Variants in PIGN observed in about 807,000 individuals in gnomAD.
The protein encoded by PIGN is phosphatidylinositol glycan anchor biosynthesis class N.
A neutral mutation model predicts 125.4 loss-of-function variants in PIGN; 117 were observed. That is an observed-to-expected ratio of 0.93 (90% CI 0.80 to 1.09). PIGN has a LOEUF of 1.09. Among genes scored for constraint, PIGN ranks in the 50% least tolerant of loss-of-function variants. The pLI, the probability that PIGN is intolerant of heterozygous loss-of-function variation, is 0.00. For synonymous variants in PIGN, 392 were observed against 377.8 expected (o/e 1.04, Z -0.44); for missense variants, 1,075 against 1,094.9 (o/e 0.98, Z 0.26).
In PIGN at chr18:62,121,362, C is replaced by T. The variant is rs1457729118; in HGVS notation, c.1173-6723G>A. ...GAGGTAAAAAAATTCCCATTCTAAACCTTATTCAGGCAATAAATCCAAGCA... is the reference window on the plus strand; with the variant it reads ...GAGGTAAAAAAATTCCCATTCTAAATCTTATTCAGGCAATAAATCCAAGCA... On this transcript the variant is annotated intron_variant, in intron 14 of 30. Transcript: ENST00000640252. Among the ~76,000 whole-genome samples the T allele has an allele frequency of 2.0e-5, 3 of 152,104 alleles. No individual in the cohort carries two copies. The South Asian group carries it at 6.2e-4, about 32-fold the overall frequency.
At chr18:62,025,173 C>T (rs2030101339) in intron 23 of PIGN, among the ~76,000 whole-genome samples, 1 of 152,106 alleles carries the variant, frequency 6.6e-6, no homozygotes, top group Middle Eastern at 3.2e-3. Flanking sequence ...TCAAACTTGT[C>T]AATTCTTTTA....
intron 30 of PIGN, among the ~76,000 whole-genome samples, chr18:62,068,068 T>G (rs144805866): frequency 1.6e-4 from 25 of 152,108 alleles, no homozygotes; most frequent in Non-Finnish European, 3.4e-4. Flanking sequence ...TGGAGGCACA[T>G]ATATCATAGC....
chr18:62,090,432 A>C, intron 24 of PIGN, 44 bp downstream of exon 24: 4 of 1,100,702 alleles, frequency 3.6e-6, no homozygotes, highest in Non-Finnish European at 5.5e-6. Flanking sequence ...TAGGATAGAG[A>C]CTAATAGTCT....
intron 1 of PIGN, among the ~76,000 whole-genome samples, chr18:62,184,888 C>G (rs75583702): frequency 6.6e-6 from 1 of 152,234 alleles, no homozygotes; most frequent in Non-Finnish European, 1.5e-5. Flanking sequence ...GTAGCAGGTA[C>G]CAGGCACTGG....
chr18:62,059,171 CAAAAAAAAAAAAAAA>C (rs56405290), intron 30 of PIGN: 1 of 45,882 alleles, frequency 2.2e-5, no homozygotes, highest in East Asian at 8.8e-4. Flanking sequence ...GACCCTGTCT[CAAAAAAAAAAAAAAA>C]AAAAAAAAAA....
In PIGN at chr18:62,084,701, AT is replaced by A; in HGVS notation, c.2427-96del. On this transcript the variant is annotated intron_variant, in intron 26 of 30. Coordinates refer to ENST00000640252, the MANE Select transcript of PIGN (RefSeq NM_176787.5). Reference sequence around the variant, plus strand: ...AAGATGTTTAAACTAATTCTCTGAAATCTACTTACTAAAACACAAGCAAACA... The same window carrying A: ...AAGATGTTTAAACTAATTCTCTGAAACTACTTACTAAAACACAAGCAAACA... 3.6e-6 allele frequency: 3 copies of A among 827,168 alleles called. No individual in the cohort carries two copies. In the South Asian group the frequency reaches 4.6e-5, roughly 13 times the overall value. The allele number at this position is 827,168 out of a possible 1,614,324, so 51.2% of individuals were successfully genotyped here. A position where few individuals can be genotyped will look rare whatever the true frequency, so the allele number is the denominator to read the frequency against.
intron 28 of PIGN, chr18:62,075,875 A>C (rs1478084473): frequency 3.3e-5 from 5 of 152,126 alleles, no homozygotes; most frequent in Non-Finnish European, 7.4e-5. Context: ...TGATGCCACT[A>C]TTTGTTTTTA....
At chr18:62,108,727 A>G (rs566349335) in intron 17 of PIGN, among the ~76,000 whole-genome samples, 2 of 152,208 alleles carry the variant, frequency 1.3e-5, no homozygotes, top group Admixed American at 1.3e-4. Context: ...AGTAGCTGGA[A>G]TTACAGGTGC....
At chr18:62,146,833 C>A in intron 9 of PIGN, 138 bp downstream of exon 9, 1 of 759,468 alleles carries the variant, frequency 1.3e-6, no homozygotes, top group Non-Finnish European at 1.9e-6. Flanking sequence ...TTTAGGCTAA[C>A]ATTTTAAGCA....
chr18:62,165,979 A>C (rs1239837925), intron 1 of PIGN, among the ~76,000 whole-genome samples: 1 of 152,224 alleles, frequency 6.6e-6, no homozygotes, highest in East Asian at 1.9e-4. Flanking sequence ...AAGAAGAAAA[A>C]TAAAAATTGA....
At chr18:62,035,439 C>T (rs988414844) in intron 23 of PIGN, among the ~76,000 whole-genome samples, 20 of 152,136 alleles carry the variant, frequency 1.3e-4, no homozygotes, top group African/African-American at 4.6e-4. Context: ...TTTAAATTCC[C>T]GCAGCTGTGG....
At chr18:62,114,909 C>T (rs1169854494) in intron 14 of PIGN, among the ~76,000 whole-genome samples, 1 of 152,182 alleles carries the variant, frequency 6.6e-6, no homozygotes, top group Non-Finnish European at 1.5e-5. Context: ...AAATGTAATA[C>T]TCTGGCTAAC....
rs553031629 is a variant in PIGN, at chr18:62,151,994, G to A, written c.549+2551C>T. Among the ~76,000 whole-genome samples, 16 of 152,302 alleles carry A rather than the reference G, an allele frequency of 1.1e-4. No homozygotes were observed. The South Asian group carries it at 2.1e-3, about 20-fold the overall frequency. On this transcript the variant is annotated intron_variant, in intron 7 of 30. Transcript: ENST00000640252. The stretch of plus-strand genomic sequence containing the variant: ...TGCTCAGGAGATCTTGAGAATATTT[G>A]CTCAAGGTGGTCGGGGTGCAGCCTG...
chr18:62,143,439 C>A, intron 10 of PIGN, 93 bp from the exon 11 acceptor site: 2 of 750,928 alleles, frequency 2.7e-6, no homozygotes, highest in South Asian at 1.7e-5. Context: ...TTATGGAAAA[C>A]ATAGGTGTTA....
chr18:62,184,282 T>G (rs2037819721), intron 1 of PIGN, among the ~76,000 whole-genome samples: 1 of 152,210 alleles, frequency 6.6e-6, no homozygotes, highest in Admixed American at 6.5e-5. Context: ...AAAGGCATCT[T>G]TTACATCTTC....
intron 1 of PIGN, among the ~76,000 whole-genome samples, chr18:62,182,976 A>G (rs1413176295): frequency 6.6e-6 from 1 of 152,224 alleles, no homozygotes; most frequent in Non-Finnish European, 1.5e-5. Context: ...GATACTGATC[A>G]AAGCATTCAT....
chr18:62,055,744 T>G (rs2031667513), intron 30 of PIGN, among the ~76,000 whole-genome samples: 1 of 152,104 alleles, frequency 6.6e-6, no homozygotes, highest in South Asian at 2.1e-4. Context: ...TTAAAAATTT[T>G]TTTTAGTTCA....
intron 8 of PIGN, among the ~76,000 whole-genome samples, 156 bp downstream of exon 8, chr18:62,148,058 T>A (rs1194319400): frequency 1.3e-5 from 2 of 152,080 alleles, no homozygotes; most frequent in African/African-American, 4.8e-5. Context: ...AACGACTATA[T>A]TGGAAATCTC....
Position 62,086,634 on chromosome 18 carries a change from T to A in PIGN, c.2371-1370A>T, listed in dbSNP as rs73964839. Among the ~76,000 whole-genome samples, 225 of 125,808 alleles carry A rather than the reference T, an allele frequency of 1.8e-3. 1 individual carries two copies. Among genetic ancestry groups the A allele is most frequent in the African/African-American group, 5.0e-3 (157 of 31,712 alleles). The allele number at this position is 125,808 out of a possible 152,430, so 82.5% of individuals were successfully genotyped here. ...CCGTTTTTTGTTTTTTTTTTTTTTT[T>A]AAAAAGCCTGAACTTTATTGTGGAT... On this transcript the variant is annotated intron_variant, in intron 25 of 30. Coordinates refer to ENST00000640252, the MANE Select transcript of PIGN (RefSeq NM_176787.5).
Sources: allele counts gnomAD v4.1 joint callset (sites outside exome capture counted in the v4.1 genomes callset), GRCh38; gene constraint gnomAD v4.1.1; transcripts MANE v1.5; gene names NCBI Gene and HGNC (gene_info 2026-07-23, HGNC 2026-07-21).